Variants in PER3 observed in about 807,000 individuals in gnomAD.
PER3 encodes the protein period circadian protein homolog 3.
In PER3, 107 loss-of-function variants were observed where a neutral mutation model predicts 127.2. That is an observed-to-expected ratio of 0.84 (90% confidence interval 0.72 to 0.99). PER3 has a LOEUF of 0.99. Ranked by LOEUF, PER3 falls within the 50% of genes least tolerant of loss-of-function variation. The pLI is 0.00. For missense variants in PER3, 1,560 were observed against 1,525.8 expected (o/e 1.02, Z -0.37); for synonymous variants, 618 against 585.8 (o/e 1.05, Z -0.79).
At position 7,827,272 on chromosome 1, in the gene PER3, C is replaced by T. The variant is rs1441671977; in HGVS notation, c.2343C>T (p.Ser781=). 3.7e-6 allele frequency: 6 copies of T among 1,613,718 alleles called. No individual in the cohort carries two copies. The highest frequency in any genetic ancestry group is 1.3e-5 in the African/African-American group (1 of 74,924). Residue 781 remains serine (S), a synonymous_variant, in exon 18 of 22, where the codon TCC becomes TCT. Coordinates refer to ENST00000377532, the MANE Select transcript of PER3 (RefSeq NM_001377275.1). ...AGAACGCACAGCCCTGCTGCCCCTC[C>T]GCGGCCTCCTCTCCGCACACCTCGA... ...AHQNAQPCCP[S]AASSPHTSSP... is the part of the protein sequence containing the mutation.
At chr1:7,842,480 A>G (rs2097395541) in intron 21 of PER3, 192 bp from the exon 22 acceptor site, 1 of 258,724 alleles carries the variant, frequency 3.9e-6, no homozygotes, top group Non-Finnish European at 6.0e-6. Context: ...AGCCTGGGTG[A>G]CACCGCAAGA....
chr1:7,813,475 C>A (rs1387176838), intron 13 of PER3, among the ~76,000 whole-genome samples: 1 of 152,184 alleles, frequency 6.6e-6, no homozygotes, highest in East Asian at 1.9e-4. Flanking sequence ...AGATGCAGCA[C>A]TGGATTCCAG....
At chr1:7,791,261 G>C (rs191737409) in intron 5 of PER3, among the ~76,000 whole-genome samples, 20 of 152,258 alleles carry the variant, frequency 1.3e-4, no homozygotes, top group Non-Finnish European at 1.6e-4. Context: ...CTAGGCAGAG[G>C]TTTCCAAACC....
rs910074188 is a variant in PER3, at chr1:7,820,618, C to T, written c.1935C>T (p.Val645=). ...AATGCGGTTACAGCAGCACCATTGT[C>T]CATGTCCCACCCCCAGAGACAGGTA... ...ISQCGYSSTI[V]HVPPPETARD... Residue 645 remains valine (V), a synonymous_variant, in exon 16 of 22, where the codon GTC becomes GTT. Transcript: ENST00000377532. 3 of 1,612,928 alleles carry T rather than the reference C, an allele frequency of 1.9e-6. No homozygotes were observed. The highest frequency in any genetic ancestry group is 1.7e-6 in the Non-Finnish European group (2 of 1,179,410).
Position 7,805,413 on chromosome 1 carries a change from A to G in PER3, c.1136+1565A>G, listed in dbSNP as rs574456609. Among the ~76,000 whole-genome samples, 57 of 152,330 alleles carry G rather than the reference A, an allele frequency of 3.7e-4. No homozygotes were observed. The South Asian group carries it at 0.012, about 31-fold the overall frequency. On this transcript the variant is annotated intron_variant, in intron 10 of 21. Coordinates refer to ENST00000377532, the MANE Select transcript of PER3 (RefSeq NM_001377275.1). The stretch of plus-strand genomic sequence containing the variant: ...ATTACAGTAGAGATGATGCCGAGCC[A>G]TGGTGAGAAGAGGTCTCAAGGTTGC...
In PER3 at chr1:7,843,846, A is replaced by C; in HGVS notation, c.*1091A>C. ...GCGTTTGTAGTTGTGTCTTTTAAGA[A>C]GTGAGTGTGATTGTTTACTTGATAA... On this transcript the variant is annotated 3_prime_UTR_variant, in exon 22 of 22. Coordinates refer to ENST00000377532, the MANE Select transcript of PER3 (RefSeq NM_001377275.1). 1 of 1,093,104 alleles carries C rather than the reference A, an allele frequency of 9.1e-7. No individual in the cohort carries two copies. The highest frequency in any genetic ancestry group is 1.2e-6 in the Non-Finnish European group (1 of 843,342). 67.7% of individuals were successfully genotyped at this position (1,093,104 alleles called of 1,614,324 possible).
chr1:7,785,358 C>A, intron 2 of PER3, 83 bp from the exon 3 acceptor site: 1 of 1,097,110 alleles, frequency 9.1e-7, no homozygotes. Context: ...TAGAAACTTA[C>A]CTGGCTTGCA....
Position 7,793,937 on chromosome 1 carries a change from C to G in PER3, c.593-20C>G. ...GACCTGGATAAGAGGGAGTGACTGA[C>G]CAGGCATCTTTCTTTCTAGCAGCTG... On this transcript the variant is annotated intron_variant, in intron 5 of 21. Transcript: ENST00000377532. The G allele has an allele frequency of 6.2e-7, 1 of 1,608,278 alleles. No homozygotes were observed.
intron 6 of PER3, among the ~76,000 whole-genome samples, chr1:7,796,206 G>C (rs7522808): frequency 0.16 from 23,762 of 151,964 alleles, 2,088 homozygotes; most frequent in Admixed American, 0.19. Flanking sequence ...GTGGGAAATG[G>C]CATTCACATT....
intron 8 of PER3, among the ~76,000 whole-genome samples, chr1:7,802,159 C>T (rs889365420): frequency 2.0e-5 from 3 of 152,120 alleles, no homozygotes; most frequent in African/African-American, 7.2e-5. Flanking sequence ...TCTGAAGCAT[C>T]CTTAGTCTTA....
At chr1:7,832,807 A>G (rs1299367084) in intron 19 of PER3, among the ~76,000 whole-genome samples, 1 of 148,632 alleles carries the variant, frequency 6.7e-6, no homozygotes, top group Non-Finnish European at 1.5e-5. Flanking sequence ...ATTTAATGCT[A>G]TTGAATGCTC....
At chr1:7,819,569 C>T in intron 14 of PER3, 149 bp downstream of exon 14, 1 of 681,736 alleles carries the variant, frequency 1.5e-6, no homozygotes, top group Non-Finnish European at 2.5e-6. Flanking sequence ...AACACATACG[C>T]TGAACATTTC....
chr1:7,803,706 GGGCA>G lies in PER3; in HGVS notation c.995_998del (p.Gly332ValfsTer29). On this transcript the variant is annotated frameshift_variant, in exon 10 of 22. Coordinates refer to ENST00000377532, the MANE Select transcript of PER3 (RefSeq NM_001377275.1). LOFTEE classifies it high-confidence loss of function. Reference sequence around the variant, plus strand: ...ATTTTATATAGTTTTGAAGTATGCAGGGCATCCTCCCTTTGAACATTCTCCCATT... The same window carrying G: ...ATTTTATATAGTTTTGAAGTATGCAGTCCTCCCTTTGAACATTCTCCCATT... 1 of 1,600,568 alleles carries G rather than the reference GGGCA, an allele frequency of 6.2e-7. No homozygotes were observed. Among genetic ancestry groups the G allele is most frequent in the Non-Finnish European group, 8.6e-7 (1 of 1,168,174 alleles).
intron 10 of PER3, among the ~76,000 whole-genome samples, chr1:7,806,810 A>ATATATATATAT (rs60458932): frequency 5.3e-3 from 399 of 74,988 alleles, no homozygotes; most frequent in East Asian, 9.1e-3. Flanking sequence ...AAAAAAAAAA[A>ATATATATATAT]AAATATATAT....
intron 5 of PER3, among the ~76,000 whole-genome samples, chr1:7,791,283 C>T (rs918472531): frequency 5.3e-5 from 8 of 152,244 alleles, no homozygotes; most frequent in South Asian, 2.1e-4. Flanking sequence ...CAGTTCTTGT[C>T]TTCTGCACAC....
At chr1:7,784,513 C>T (rs973864655) in intron 1 of PER3, 137 bp downstream of exon 1, 4 of 167,124 alleles carry the variant, frequency 2.4e-5, no homozygotes, top group Non-Finnish European at 3.8e-5. Context: ...CCACCCGCCT[C>T]CCCGGGCCCC....
chr1:7,835,883 C>G lies in PER3; in HGVS notation c.3336C>G (p.Pro1112=). The change falls in exon 20 of 22, where the codon CCC becomes CCG. Residue 1112 remains proline, a synonymous_variant. Coordinates refer to ENST00000377532, the MANE Select transcript of PER3 (RefSeq NM_001377275.1). ...CATTTCCTAATGTCGCCGAAGAGCC[C>G]ATCTGGAGAATGATACGGCAGACAC... ...KETFPNVAEE[P]IWRMIRQTPE... 6.2e-7 allele frequency: 1 copy of G among 1,611,414 alleles called. No individual in the cohort carries two copies. Among genetic ancestry groups the G allele is most frequent in the South Asian group, 1.1e-5 (1 of 91,048 alleles).
chr1:7,817,245 T>C (rs2097255613), intron 13 of PER3, among the ~76,000 whole-genome samples: 2 of 152,290 alleles, frequency 1.3e-5, no homozygotes, highest in Admixed American at 1.3e-4. Flanking sequence ...GATACACAAC[T>C]TTCCGTGCAT....
At position 7,823,458 on chromosome 1, in the gene PER3, C is replaced by T. The variant is rs575591381; in HGVS notation, c.1957+2818C>T. Among the ~76,000 whole-genome samples the T allele has an allele frequency of 3.1e-3, 473 of 152,256 alleles. 5 individuals are homozygous for T. Among genetic ancestry groups the T allele is most frequent in the African/African-American group, 0.011 (454 of 41,550 alleles). On this transcript the variant is annotated intron_variant, in intron 16 of 21. Transcript: ENST00000377532. The stretch of plus-strand genomic sequence containing the variant: ...AGGAGTTTGAGACCAGCCTGACCAA[C>T]ACGGAGAAACCCCATCTTTACTAAA...
Sources: allele counts gnomAD v4.1 joint callset (sites outside exome capture counted in the v4.1 genomes callset), GRCh38; gene constraint gnomAD v4.1.1; transcripts MANE v1.5; gene names NCBI Gene and HGNC (gene_info 2026-07-23, HGNC 2026-07-21).